The following C1orf21 variants were observed in gnomAD, a reference collection of about 807,000 sequenced individuals.
C1orf21 encodes the protein chromosome 1 open reading frame 21.
C1orf21 carries 3 observed loss-of-function variants against 18.7 expected under a neutral mutation model. The observed-to-expected ratio is 0.16, with a 90% CI of 0.07 to 0.42. C1orf21 has a LOEUF of 0.42. Ranked by LOEUF, C1orf21 falls within the 10% of genes least tolerant of loss-of-function variation. The probability of loss-of-function intolerance (pLI) is 0.99; values close to 1 mark genes in which losing one functional copy is unlikely to be tolerated. For synonymous variants in C1orf21, 41 were observed against 46.4 expected, an observed-to-expected ratio of 0.88 and a Z score of 0.47; for missense variants, 104 against 143.6, an observed-to-expected ratio of 0.72 and a Z score of 1.41.
At chr1:184,405,054 G>C (rs1018947037) in intron 1 of C1orf21, among the ~76,000 whole-genome samples, 1 of 152,124 alleles carries the variant, frequency 6.6e-6, no homozygotes, top group East Asian at 1.9e-4. Context: ...TCTCCAGCCT[G>C]TCAAAATTTT....
At chr1:184,398,929 CAG>C (rs1370392588) in intron 1 of C1orf21, among the ~76,000 whole-genome samples, 1 of 152,026 alleles carries the variant, frequency 6.6e-6, no homozygotes, top group Non-Finnish European at 1.5e-5. Flanking sequence ...CTAAAAGATA[CAG>C]AGTCGTTTTC....
At chr1:184,577,086 C>T (rs915934804) in intron 3 of C1orf21, among the ~76,000 whole-genome samples, 6 of 151,502 alleles carry the variant, frequency 4.0e-5, no homozygotes, top group Admixed American at 1.3e-4. Context: ...TCCAAATCCA[C>T]GGAACCTATA....
At chr1:184,450,241 A>G (rs1179826501) in intron 1 of C1orf21, among the ~76,000 whole-genome samples, 1 of 152,094 alleles carries the variant, frequency 6.6e-6, no homozygotes, top group African/African-American at 2.4e-5. Context: ...AGGGAGGTGG[A>G]GAGCACGCCA....
At chr1:184,567,042 G>A (rs982329943) in intron 3 of C1orf21, 4 of 507,684 alleles carry the variant, frequency 7.9e-6, no homozygotes, top group Non-Finnish European at 1.6e-5. Context: ...AACATTGTCT[G>A]TGTACAGTCT....
At chr1:184,421,612 T>G (rs1324370923) in intron 1 of C1orf21, among the ~76,000 whole-genome samples, 1 of 152,206 alleles carries the variant, frequency 6.6e-6, no homozygotes, top group African/African-American at 2.4e-5. Flanking sequence ...ACGTGACAGT[T>G]TCTGATAAAT....
intron 5 of C1orf21, among the ~76,000 whole-genome samples, chr1:184,618,665 A>G (rs546441002): frequency 1.3e-4 from 18 of 141,992 alleles, no homozygotes; most frequent in Non-Finnish European, 2.5e-4. Flanking sequence ...TGAAACATGT[A>G]GTGTGTATTT....
chr1:184,440,554 T>G (rs999547945), intron 1 of C1orf21, among the ~76,000 whole-genome samples: 1 of 151,660 alleles, frequency 6.6e-6, no homozygotes, highest in Non-Finnish European at 1.5e-5. Context: ...ACCTGGCCTT[T>G]TTTTTTTTTA....
chr1:184,458,618 T>G (rs1016663580), intron 1 of C1orf21, among the ~76,000 whole-genome samples: 2 of 152,326 alleles, frequency 1.3e-5, no homozygotes, highest in South Asian at 4.1e-4. Flanking sequence ...TTAACATTCT[T>G]CATTCACTTA....
At chr1:184,421,500 A>G (rs1656546942) in intron 1 of C1orf21, among the ~76,000 whole-genome samples, 1 of 152,236 alleles carries the variant, frequency 6.6e-6, no homozygotes, top group Non-Finnish European at 1.5e-5. Flanking sequence ...TATTCAACAT[A>G]TGCCAGCATT....
At chr1:184,520,678 A>T (rs890198072) in intron 3 of C1orf21, among the ~76,000 whole-genome samples, 6 of 151,638 alleles carry the variant, frequency 4.0e-5, no homozygotes, top group African/African-American at 1.5e-4. Context: ...GGATTGGTTT[A>T]CTCCTGTTAT....
At position 184,433,221 on chromosome 1, in the gene C1orf21, C is replaced by G. The variant is rs1260369111; in HGVS notation, c.-124-44165C>G. Among the ~76,000 whole-genome samples the G allele has an allele frequency of 8.6e-5, 13 of 151,708 alleles. No individual in the cohort carries two copies. The Admixed American group carries it at 8.7e-4, about 10-fold the overall frequency. The stretch of plus-strand genomic sequence containing the variant: ...GTGGTAGAGTCCTTCCTGCTCTGCT[C>G]TAAAACCCTAGCCATGGAAAATCCT... On this transcript the variant is annotated intron_variant, in intron 1 of 5. Transcript: ENST00000235307.
chr1:184,565,383 G>GCT (rs1386609125), intron 3 of C1orf21, among the ~76,000 whole-genome samples: 1 of 152,178 alleles, frequency 6.6e-6, no homozygotes, highest in Non-Finnish European at 1.5e-5. Flanking sequence ...AGAAACTAAG[G>GCT]CTCTAAGAGT....
At chr1:184,550,431 G>A (rs557143998) in intron 3 of C1orf21, among the ~76,000 whole-genome samples, 22 of 152,238 alleles carry the variant, frequency 1.4e-4, no homozygotes, top group South Asian at 2.1e-4. Flanking sequence ...ATTTTATCTG[G>A]CAGGGCTGCA....
intron 3 of C1orf21, among the ~76,000 whole-genome samples, chr1:184,583,553 G>A (rs1659311377): frequency 1.3e-5 from 2 of 152,216 alleles, no homozygotes; most frequent in South Asian, 4.1e-4. Context: ...GGCTTAGGTT[G>A]AAAGCTGGCT....
At chr1:184,486,973 C>T (rs1657741750) in intron 2 of C1orf21, among the ~76,000 whole-genome samples, 1 of 152,198 alleles carries the variant, frequency 6.6e-6, no homozygotes, top group Non-Finnish European at 1.5e-5. Context: ...CTGCTGGGTG[C>T]TTCCTGGCCC....
At chr1:184,577,751 G>A (rs1173386980) in intron 3 of C1orf21, among the ~76,000 whole-genome samples, 3 of 152,080 alleles carry the variant, frequency 2.0e-5, no homozygotes, top group Non-Finnish European at 2.9e-5. Context: ...TAGCAATTCT[G>A]CACAAATGGT....
At chr1:184,581,446 T>C (rs1318365269) in intron 3 of C1orf21, among the ~76,000 whole-genome samples, 1 of 149,806 alleles carries the variant, frequency 6.7e-6, no homozygotes, top group Non-Finnish European at 1.5e-5. Context: ...AAAAAAAAAT[T>C]AATACTGGGG....
chr1:184,494,198 G>C (rs1657856958), intron 2 of C1orf21, among the ~76,000 whole-genome samples: 1 of 152,208 alleles, frequency 6.6e-6, no homozygotes, highest in African/African-American at 2.4e-5. Context: ...CCTGGGAACA[G>C]AATGTTTCAG....
intron 4 of C1orf21, among the ~76,000 whole-genome samples, chr1:184,594,743 C>T (rs1659490249): frequency 1.3e-5 from 2 of 152,142 alleles, no homozygotes; most frequent in Admixed American, 6.5e-5. Flanking sequence ...TTGTCTTTAG[C>T]TCAAAATAGT....
Sources: allele counts gnomAD v4.1 joint callset (sites outside exome capture counted in the v4.1 genomes callset), GRCh38; gene constraint gnomAD v4.1.1; transcripts MANE v1.5; gene names NCBI Gene and HGNC (gene_info 2026-07-23, HGNC 2026-07-21).